ADAMTS6: variants seen among roughly 807,000 people sequenced by gnomAD.
The protein encoded by ADAMTS6 is A disintegrin and metalloproteinase with thrombospondin motifs 6.
Under a neutral mutation model 144.3 loss-of-function variants are expected in ADAMTS6, and 23 were observed. That is an observed-to-expected ratio of 0.16 (90% CI 0.11 to 0.23). The LOEUF (loss-of-function observed/expected upper bound fraction) is 0.23, where lower values mean the gene tolerates loss of function less well. Among genes scored for constraint, ADAMTS6 ranks in the 10% least tolerant of loss-of-function variants. ADAMTS6 has a pLI of 1.00. For missense variants in ADAMTS6, 999 were observed against 1,379.6 expected (o/e 0.72, Z 4.37); for synonymous variants, 444 against 457.5 (o/e 0.97, Z 0.38).
At chr5:65,256,920 T>C (rs1760706492) in intron 14 of ADAMTS6, among the ~76,000 whole-genome samples, 1 of 151,032 alleles carries the variant, frequency 6.6e-6, no homozygotes, top group African/African-American at 2.4e-5. Context: ...AATCACTATC[T>C]GGCTTCACCC....
At chr5:65,353,472 A>T (rs1749044626) in intron 7 of ADAMTS6, among the ~76,000 whole-genome samples, 1 of 151,982 alleles carries the variant, frequency 6.6e-6, no homozygotes. Flanking sequence ...TTTGGAAGAG[A>T]GGAAATGTGA....
intron 18 of ADAMTS6, among the ~76,000 whole-genome samples, chr5:65,222,802 G>A (rs1215390744): frequency 6.6e-6 from 1 of 151,752 alleles, no homozygotes; most frequent in African/African-American, 2.4e-5. Flanking sequence ...TTGCAATATT[G>A]GAGCAGGTAA....
At chr5:65,373,527 C>A (rs1224054519) in intron 7 of ADAMTS6, among the ~76,000 whole-genome samples, 3 of 151,100 alleles carry the variant, frequency 2.0e-5, no homozygotes, top group South Asian at 2.1e-4. Context: ...ATAAATTCCT[C>A]GACACATACA....
rs866374778 is a variant in ADAMTS6 at position 65,324,226 on chromosome 5, A to G, written c.1223+5152T>C. The stretch of plus-strand genomic sequence containing the variant: ...AACTTTTTAAAGCAAATTGTGCTGA[A>G]GTTACTGGATATTCATATGGAAAAA... On this transcript the variant is annotated intron_variant, in intron 9 of 24. Coordinates refer to ENST00000381055, the MANE Select transcript of ADAMTS6 (RefSeq NM_197941.4). Among the ~76,000 whole-genome samples, 185 of 152,186 alleles carry G rather than the reference A, an allele frequency of 1.2e-3. 2 individuals carry two copies. The highest frequency in any genetic ancestry group is 2.2e-3 in the Non-Finnish European group (147 of 68,040).
chr5:65,191,215 G>A (rs897858029), intron 21 of ADAMTS6, among the ~76,000 whole-genome samples: 6 of 151,916 alleles, frequency 3.9e-5, no homozygotes, highest in Non-Finnish European at 7.4e-5. Flanking sequence ...ATTCATGTTC[G>A]AGTGTCTGAA....
intron 14 of ADAMTS6, among the ~76,000 whole-genome samples, chr5:65,250,399 T>G (rs1760046903): frequency 6.6e-6 from 1 of 152,178 alleles, no homozygotes; most frequent in Non-Finnish European, 1.5e-5. Context: ...AATATATAAT[T>G]TTCCTGTCTG....
intron 18 of ADAMTS6, among the ~76,000 whole-genome samples, chr5:65,217,689 C>T (rs564948445): frequency 6.6e-6 from 1 of 152,206 alleles, no homozygotes; most frequent in East Asian, 1.9e-4. Flanking sequence ...TGAAGACACA[C>T]TCTGGATGTA....
chr5:65,286,295 G>A (rs1442830848), intron 11 of ADAMTS6, among the ~76,000 whole-genome samples: 2 of 152,138 alleles, frequency 1.3e-5, no homozygotes, highest in South Asian at 2.1e-4. Context: ...ATAGTTTATG[G>A]TGAACAGATT....
At chr5:65,278,689 T>C (rs1211813902) in intron 11 of ADAMTS6, among the ~76,000 whole-genome samples, 2 of 152,220 alleles carry the variant, frequency 1.3e-5, no homozygotes, top group African/African-American at 4.8e-5. Context: ...ATCTTACCAC[T>C]ATCTTCTGAA....
intron 7 of ADAMTS6, among the ~76,000 whole-genome samples, chr5:65,358,282 C>A (rs11739829): frequency 0.28 from 42,875 of 151,730 alleles, 8,982 homozygotes; most frequent in African/African-American, 0.59. Flanking sequence ...CTTGGTAAAA[C>A]TTCTCAACAA....
At chr5:65,252,634 T>C (rs1760275742) in intron 14 of ADAMTS6, among the ~76,000 whole-genome samples, 1 of 151,608 alleles carries the variant, frequency 6.6e-6, no homozygotes, top group South Asian at 2.1e-4. Context: ...GATTTTAATA[T>C]AGTGCTATAA....
chr5:65,148,748 A>C lies in ADAMTS6; in HGVS notation c.*3088T>G, dbSNP rs946062845. 1 of 152,360 alleles carries C rather than the reference A, an allele frequency of 6.6e-6. No homozygotes were observed. Among genetic ancestry groups the C allele is most frequent in the Admixed American group, 6.5e-5 (1 of 15,280 alleles). 9.4% of individuals were successfully genotyped at this position (152,360 alleles called of 1,614,324 possible). On this transcript the variant is annotated 3_prime_UTR_variant, in exon 25 of 25. Transcript: ENST00000381055. ...CAACTTCAATCTGTATCATTATTAT[A>C]AGCTGAATTTTTATTTTACTAAATT...
Position 65,291,234 on chromosome 5 carries a change from T to C in ADAMTS6, c.1512+95A>G, listed in dbSNP as rs533187149. On this transcript the variant is annotated intron_variant, in intron 11 of 24. Transcript: ENST00000381055. ...GCCATATTTAAATTAAAGATATTAC[T>C]AGAGGGAACCGACATTCATCGTAAT... The C allele has an allele frequency of 2.1e-6, 3 of 1,422,376 alleles. No individual in the cohort carries two copies. The South Asian group carries it at 4.6e-5, about 22-fold the overall frequency. 88.1% of individuals were successfully genotyped at this position (1,422,376 alleles called of 1,614,324 possible).
chr5:65,274,390 A>G (rs1322158070), intron 11 of ADAMTS6, among the ~76,000 whole-genome samples: 1 of 152,002 alleles, frequency 6.6e-6, no homozygotes, highest in Non-Finnish European at 1.5e-5. Flanking sequence ...ACTTAGTATA[A>G]TATATATTTA....
At chr5:65,319,323 G>A (rs150581347) in intron 9 of ADAMTS6, among the ~76,000 whole-genome samples, 1 of 151,748 alleles carries the variant, frequency 6.6e-6, no homozygotes, top group Non-Finnish European at 1.5e-5. Flanking sequence ...TTAAATAAAG[G>A]ACAAATTAAA....
At chr5:65,450,805 A>G (rs1758681838) in intron 7 of ADAMTS6, among the ~76,000 whole-genome samples, 2 of 152,292 alleles carry the variant, frequency 1.3e-5, no homozygotes, top group African/African-American at 4.8e-5. Context: ...TGAGTAACAT[A>G]ATAACACTAT....
intron 7 of ADAMTS6, among the ~76,000 whole-genome samples, chr5:65,370,627 G>A (rs997904863): frequency 7.2e-5 from 11 of 152,188 alleles, no homozygotes; most frequent in Non-Finnish European, 1.5e-4. Context: ...AGGGTCCTAC[G>A]CCCACGGAGT....
At chr5:65,155,366 T>C (rs1413929433) in intron 24 of ADAMTS6, among the ~76,000 whole-genome samples, 1 of 152,134 alleles carries the variant, frequency 6.6e-6, no homozygotes, top group Non-Finnish European at 1.5e-5. Context: ...CAAACCTAGA[T>C]GGTATAGCCT....
At chr5:65,369,374 C>A (rs1022294122) in intron 7 of ADAMTS6, among the ~76,000 whole-genome samples, 1 of 151,948 alleles carries the variant, frequency 6.6e-6, no homozygotes, top group Non-Finnish European at 1.5e-5. Flanking sequence ...TAGGTTGAAC[C>A]ATAAAAAGTT....
Sources: allele counts gnomAD v4.1 joint callset (sites outside exome capture counted in the v4.1 genomes callset), GRCh38; gene constraint gnomAD v4.1.1; transcripts MANE v1.5; gene names NCBI Gene and HGNC (gene_info 2026-07-23, HGNC 2026-07-21).